Variants in CDH13 observed in about 807,000 individuals in gnomAD.
CDH13 encodes cadherin 13, also known as cadherin-13.
Under a neutral mutation model 63.8 loss-of-function variants are expected in CDH13, and 24 were observed. The observed-to-expected ratio is 0.38, with a 90% CI of 0.27 to 0.53. The LOEUF is 0.53. Among genes scored for constraint, CDH13 ranks in the 20% least tolerant of loss-of-function variants. CDH13 has a pLI of 0.85. For synonymous variants in CDH13, 503 were observed against 355.3 expected (o/e 1.42, Z -4.67); for missense variants, 1,049 against 903.1 (o/e 1.16, Z -2.07).
At chr16:83,255,914 T>A (rs8053119) in intron 5 of CDH13, among the ~76,000 whole-genome samples, 117,328 of 152,074 alleles carry the variant, frequency 0.77, 45,455 homozygotes, top group East Asian at 0.97. Flanking sequence ...GGCACATAGT[T>A]GGCATAGAAA....
chr16:83,508,270 CACTT>C (rs774409538), intron 7 of CDH13: 3 of 154,518 alleles, frequency 1.9e-5, no homozygotes, highest in Admixed American at 6.5e-5. Flanking sequence ...TTCAATAACT[CACTT>C]ACTGGGGTTC....
chr16:82,757,198 C>A (rs552483653), intron 1 of CDH13, among the ~76,000 whole-genome samples: 38 of 152,304 alleles, frequency 2.5e-4, no homozygotes, highest in Non-Finnish European at 5.0e-4. Context: ...TCCTCTAAGG[C>A]AGGGACCACT....
chr16:83,783,447 G>A lies in CDH13; in HGVS notation c.2109G>A (p.Leu703=), dbSNP rs1456376187. The A allele has an allele frequency of 9.9e-6, 16 of 1,613,910 alleles. No individual in the cohort carries two copies. Among genetic ancestry groups the A allele is most frequent in the Non-Finnish European group, 1.4e-5 (16 of 1,179,800 alleles). ...TGCGCTTCAGCCTGCCCTCAGTCCT[G>A]CTCCTCAGCCTCTTCAGCTTAGCTT... ...GALRFSLPSV[L]LLSLFSLACL Residue 703 remains leucine (L), a synonymous_variant, in exon 13 of 14, where the codon CTG becomes CTA. Coordinates refer to ENST00000567109, the MANE Select transcript of CDH13 (RefSeq NM_001257.5).
intron 6 of CDH13, among the ~76,000 whole-genome samples, chr16:83,389,995 C>G (rs1248352487): frequency 6.6e-6 from 1 of 152,176 alleles, no homozygotes; most frequent in Non-Finnish European, 1.5e-5. Context: ...AGAAAGTCAA[C>G]TTGGTTGGAA....
chr16:82,830,596 A>G (rs898740411), intron 1 of CDH13, among the ~76,000 whole-genome samples: 2 of 152,132 alleles, frequency 1.3e-5, no homozygotes, highest in Non-Finnish European at 2.9e-5. Flanking sequence ...CTTTCCTCAC[A>G]CTCATCTTAT....
At chr16:83,279,461 T>C (rs917936138) in intron 5 of CDH13, among the ~76,000 whole-genome samples, 2 of 151,968 alleles carry the variant, frequency 1.3e-5, no homozygotes, top group Non-Finnish European at 2.9e-5. Flanking sequence ...GTGTCAGAGG[T>C]TAGGGGGAAC....
intron 7 of CDH13, among the ~76,000 whole-genome samples, chr16:83,508,963 G>A (rs1031333378): frequency 8.4e-6 from 1 of 119,476 alleles, no homozygotes; most frequent in African/African-American, 3.2e-5. Context: ...TTATGCATAG[G>A]TGTGTACATG....
chr16:82,739,228 C>T (rs1400071941), intron 1 of CDH13, among the ~76,000 whole-genome samples: 2 of 88,188 alleles, frequency 2.3e-5, no homozygotes, highest in Non-Finnish European at 5.9e-5. Context: ...TTACATAAAT[C>T]AGAGGAAAAA....
At chr16:83,786,207 C>CGACAAGGAAGAGA (rs1915868243) in intron 13 of CDH13, among the ~76,000 whole-genome samples, 2 of 152,200 alleles carry the variant, frequency 1.3e-5, no homozygotes, top group African/African-American at 2.4e-5. Context: ...GAAGAGAAAC[C>CGACAAGGAAGAGA]AACTAGGAAG....
At chr16:82,822,247 G>A (rs915873154) in intron 1 of CDH13, among the ~76,000 whole-genome samples, 1 of 152,132 alleles carries the variant, frequency 6.6e-6, no homozygotes, top group Non-Finnish European at 1.5e-5. Flanking sequence ...AAGAACACAG[G>A]TTGAATAAAC....
intron 2 of CDH13, among the ~76,000 whole-genome samples, chr16:83,000,520 T>C (rs1198892562): frequency 2.6e-5 from 4 of 151,142 alleles, no homozygotes; most frequent in African/African-American, 9.7e-5. Flanking sequence ...AGTGCTAGGA[T>C]TACAGGTGTG....
At chr16:83,007,211 C>T (rs1002663212) in intron 2 of CDH13, among the ~76,000 whole-genome samples, 5 of 152,094 alleles carry the variant, frequency 3.3e-5, no homozygotes, top group South Asian at 2.1e-4. Flanking sequence ...CATGAGCCAC[C>T]GCGCCCAGCA....
chr16:83,364,843 A>C (rs1343357771), intron 6 of CDH13, among the ~76,000 whole-genome samples: 1 of 152,158 alleles, frequency 6.6e-6, no homozygotes, highest in Non-Finnish European at 1.5e-5. Context: ...CTCCCTCATA[A>C]GTGGGAGTTG....
chr16:82,804,324 C>T (rs2037037910), intron 1 of CDH13, among the ~76,000 whole-genome samples: 1 of 150,598 alleles, frequency 6.6e-6, no homozygotes, highest in African/African-American at 2.4e-5. Flanking sequence ...CACACACATA[C>T]AAATACAAAG....
chr16:83,587,214 CG>C (rs1906252402), intron 7 of CDH13, among the ~76,000 whole-genome samples: 1 of 152,122 alleles, frequency 6.6e-6, no homozygotes, highest in South Asian at 2.1e-4. Flanking sequence ...TTCGAGGGAA[CG>C]GAGGATGAAT....
chr16:83,378,602 T>G (rs531445399), intron 6 of CDH13, among the ~76,000 whole-genome samples: 6 of 152,294 alleles, frequency 3.9e-5, no homozygotes, highest in African/African-American at 1.2e-4. Flanking sequence ...TGATTAAGAC[T>G]CTGATATGAT....
intron 2 of CDH13, among the ~76,000 whole-genome samples, chr16:82,874,486 C>A (rs1405169037): frequency 6.6e-6 from 1 of 151,618 alleles, no homozygotes; most frequent in African/African-American, 2.4e-5. Flanking sequence ...CAGCTTTTTT[C>A]TTTTCCATTT....
intron 6 of CDH13, among the ~76,000 whole-genome samples, chr16:83,456,780 G>T (rs2073036031): frequency 6.6e-6 from 1 of 152,086 alleles, no homozygotes; most frequent in Non-Finnish European, 1.5e-5. Context: ...TGGCCAATAT[G>T]GCAAAACCCC....
At chr16:83,677,651 G>T (rs1038330857) in intron 9 of CDH13, among the ~76,000 whole-genome samples, 1 of 152,206 alleles carries the variant, frequency 6.6e-6, no homozygotes, top group Non-Finnish European at 1.5e-5. Context: ...TGGCAAGTGA[G>T]TGAGAAACAT....
Sources: allele counts gnomAD v4.1 joint callset (sites outside exome capture counted in the v4.1 genomes callset), GRCh38; gene constraint gnomAD v4.1.1; transcripts MANE v1.5; gene names NCBI Gene and HGNC (gene_info 2026-07-23, HGNC 2026-07-21).